Variants in ZC3H12D observed in about 807,000 individuals in gnomAD.
ZC3H12D encodes zinc finger CCCH-type containing 12D.
ZC3H12D carries 11 observed loss-of-function variants against 24.2 expected under a neutral mutation model. That is an observed-to-expected ratio of 0.46 (90% CI 0.29 to 0.75). The LOEUF (loss-of-function observed/expected upper bound fraction) is 0.75, where lower values mean the gene tolerates loss of function less well. ZC3H12D is among the 30% of genes least tolerant of loss of function. The pLI, the probability that ZC3H12D is intolerant of heterozygous loss-of-function variation, is 0.11. For missense variants in ZC3H12D, 740 were observed against 767.7 expected, an observed-to-expected ratio of 0.96 and a Z score of 0.43; for synonymous variants, 333 against 341.8, an observed-to-expected ratio of 0.97 and a Z score of 0.28.
rs983954274 is a variant in ZC3H12D at position 149,446,899 on chromosome 6, C to G, written c.*3784G>C. The G allele has an allele frequency of 6.6e-6, 1 of 152,324 alleles. No individual in the cohort carries two copies. The highest frequency in any genetic ancestry group is 2.4e-5 in the African/African-American group (1 of 41,458). The allele number at this position is 152,324 out of a possible 1,614,324, so 9.4% of individuals were successfully genotyped here. The stretch of plus-strand genomic sequence containing the variant: ...ACATTCTACAGTTCTACCCCAAACC[C>G]CCTTCCAGAGGCCTCTGGGAAGGCT... On this transcript the variant is annotated 3_prime_UTR_variant, in exon 6 of 6. Transcript: ENST00000409806.
intron 2 of ZC3H12D, among the ~76,000 whole-genome samples, chr6:149,466,925 AT>A (rs1776173532): frequency 8.3e-6 from 1 of 121,046 alleles, no homozygotes; most frequent in Non-Finnish European, 1.8e-5. Context: ...ATAAAATAAA[AT>A]AAAATAAAAA....
At chr6:149,467,960 A>G (rs879400372) in intron 2 of ZC3H12D, among the ~76,000 whole-genome samples, 1 of 152,150 alleles carries the variant, frequency 6.6e-6, no homozygotes, top group Non-Finnish European at 1.5e-5. Flanking sequence ...AAAAGGAGAC[A>G]GGAGCTGGGA....
At chr6:149,465,776 A>G (rs1235297782) in intron 2 of ZC3H12D, among the ~76,000 whole-genome samples, 35 of 140,888 alleles carry the variant, frequency 2.5e-4, no homozygotes, top group African/African-American at 4.6e-4. Context: ...AGGGGGGGGG[A>G]AGAGGAAGCA....
In ZC3H12D at chr6:149,456,620, C is replaced by CCCGCCCCG; in HGVS notation, c.680+38_680+45dup. 7.8e-7 allele frequency: 1 copy of CCCGCCCCG among 1,274,384 alleles called. No individual in the cohort carries two copies. The highest frequency in any genetic ancestry group is 1.2e-5 in the South Asian group (1 of 82,664). The allele number at this position is 1,274,384 out of a possible 1,614,324, so 78.9% of individuals were successfully genotyped here. ...GTGGCCACTGCCTCGACCCCGGCCCCCCGCCCCGCCGCCCCCCAGGGTGTC... is the reference window on the plus strand; with the variant it reads ...GTGGCCACTGCCTCGACCCCGGCCCCCCGCCCCGCCGCCCCGCCGCCCCCCAGGGTGTC... On this transcript the variant is annotated intron_variant, in intron 4 of 5. Coordinates refer to ENST00000409806, the MANE Select transcript of ZC3H12D (RefSeq NM_207360.3). The surrounding 1 kb of genome is among the most constrained non-coding windows in gnomAD (Gnocchi z 4.3).
intron 1 of ZC3H12D, among the ~76,000 whole-genome samples, chr6:149,480,352 G>A (rs1299934839): frequency 6.6e-6 from 1 of 152,262 alleles, no homozygotes; most frequent in Admixed American, 6.5e-5. Flanking sequence ...AGCAGATGGA[G>A]CTGGAGGCCA....
At chr6:149,459,155 AC>A (rs1776033688) in intron 3 of ZC3H12D, among the ~76,000 whole-genome samples, 1 of 129,350 alleles carries the variant, frequency 7.7e-6, no homozygotes, top group Non-Finnish European at 1.7e-5. Flanking sequence ...ATAAGTTTGC[AC>A]TTGTTGTGGC....
At position 149,451,345 on chromosome 6, in the gene ZC3H12D, GCCGC is replaced by G; in HGVS notation, c.918_921del (p.Gln306HisfsTer191). On this transcript the variant is annotated frameshift_variant, in exon 6 of 6. Coordinates refer to ENST00000409806, the MANE Select transcript of ZC3H12D (RefSeq NM_207360.3). LOFTEE classifies it low-confidence loss of function (END_TRUNC). ...GCGGAGCCGCCCGGGGCTCTCGGTG[GCCGC>G]TGCTCCTCGGCGCCCGCGCCAGGCC... 5 of 1,461,118 alleles carry G rather than the reference GCCGC, an allele frequency of 3.4e-6. No individual in the cohort carries two copies. Among genetic ancestry groups the G allele is most frequent in the Admixed American group, 2.6e-5 (1 of 37,764 alleles). The allele number at this position is 1,461,118 out of a possible 1,614,324, so 90.5% of individuals were successfully genotyped here.
In ZC3H12D at chr6:149,450,638, C is replaced by T; in HGVS notation, c.*45G>A. 1.4e-6 allele frequency: 2 copies of T among 1,462,302 alleles called. No individual in the cohort carries two copies. Among genetic ancestry groups the T allele is most frequent in the South Asian group, 1.4e-5 (1 of 73,472 alleles). The allele number at this position is 1,462,302 out of a possible 1,614,324, so 90.6% of individuals were successfully genotyped here. A position where few individuals can be genotyped will look rare whatever the true frequency, so the allele number is the denominator to read the frequency against. The stretch of plus-strand genomic sequence containing the variant: ...CAACCACAGGTCCACCCGTCCAAGA[C>T]GCAAGGCGAGGCTGGGCCATTCCCT... On this transcript the variant is annotated 3_prime_UTR_variant, in exon 6 of 6. Transcript: ENST00000409806.
chr6:149,454,067 C>G (rs1775941815), intron 4 of ZC3H12D, among the ~76,000 whole-genome samples: 1 of 152,176 alleles, frequency 6.6e-6, no homozygotes, highest in African/African-American at 2.4e-5. Context: ...GCTGCCTGCA[C>G]ATACAGCCAC....
chr6:149,454,640 C>A (rs931415705), intron 4 of ZC3H12D, among the ~76,000 whole-genome samples: 19 of 152,262 alleles, frequency 1.2e-4, no homozygotes, highest in African/African-American at 4.3e-4. Flanking sequence ...CAGGCGCCCT[C>A]GCTCACAAGC....
rs778798567 is a variant in ZC3H12D at position 149,452,656 on chromosome 6, C to T, written c.747G>A (p.Lys249=). 2.4e-5 allele frequency: 39 copies of T among 1,606,438 alleles called. 1 individual carries two copies. The South Asian group carries it at 4.1e-4, about 17-fold the overall frequency. The change falls in exon 5 of 6, where the codon AAG becomes AAA. Residue 249 remains lysine, a synonymous_variant. Transcript: ENST00000409806. This position sits in a 1 kb window ranked among gnomAD's most constrained non-coding sequence, Gnocchi z 4.0. ...GCCAGGATGGCTCTGGGGGCTTCGGCTTCCTGCTCAGGAAGTTGCTCAGGG... is the reference window on the plus strand; with the variant it reads ...GCCAGGATGGCTCTGGGGGCTTCGGTTTCCTGCTCAGGAAGTTGCTCAGGG... ...GPSLSNFLSR[K]PKPPEPSWQH...
intron 4 of ZC3H12D, among the ~76,000 whole-genome samples, chr6:149,454,253 C>T (rs989587344): frequency 1.3e-5 from 2 of 152,222 alleles, no homozygotes; most frequent in Non-Finnish European, 1.5e-5. Flanking sequence ...AGAAGGAAAA[C>T]GCCCCTCGCT....
chr6:149,473,387 G>A (rs145220307), intron 2 of ZC3H12D, among the ~76,000 whole-genome samples: 31 of 152,292 alleles, frequency 2.0e-4, no homozygotes, highest in African/African-American at 6.7e-4. Context: ...TTTACAGCTG[G>A]GAGTGAACCA....
intron 2 of ZC3H12D, among the ~76,000 whole-genome samples, chr6:149,468,556 G>A (rs567506703): frequency 6.6e-6 from 1 of 152,346 alleles, no homozygotes; most frequent in African/African-American, 2.4e-5. Flanking sequence ...AGGGGTCTGA[G>A]ATGTGAAGGG....
At chr6:149,458,124 G>GTTTTTTTTTTTTTT (rs1562472740) in intron 3 of ZC3H12D, among the ~76,000 whole-genome samples, 1 of 37,602 alleles carries the variant, frequency 2.7e-5, no homozygotes, top group Non-Finnish European at 4.7e-5. Flanking sequence ...TTTTTTTTTC[G>GTTTTTTTTTTTTTT]TTTCTTTTTT....
intron 2 of ZC3H12D, among the ~76,000 whole-genome samples, chr6:149,472,884 GC>G (rs1562476882): frequency 6.6e-6 from 1 of 152,084 alleles, no homozygotes; most frequent in Non-Finnish European, 1.5e-5. Context: ...TAGAGGCCAG[GC>G]CCCTCTCACA....
intron 2 of ZC3H12D, among the ~76,000 whole-genome samples, chr6:149,465,926 G>A (rs1054469269): frequency 7.3e-5 from 11 of 151,348 alleles, no homozygotes; most frequent in Non-Finnish European, 1.5e-4. Context: ...CATCAAGACT[G>A]TGAACAAGAG....
At chr6:149,470,460 G>A (rs372117409) in intron 2 of ZC3H12D, among the ~76,000 whole-genome samples, 471 of 152,160 alleles carry the variant, frequency 3.1e-3, no homozygotes, top group African/African-American at 0.011. Flanking sequence ...AACTGAACCC[G>A]GGAAGTGGAG....
At position 149,450,601 on chromosome 6, in the gene ZC3H12D, G is replaced by T; in HGVS notation, c.*82C>A. On this transcript the variant is annotated 3_prime_UTR_variant, in exon 6 of 6. Transcript: ENST00000409806. Reference sequence around the variant, plus strand: ...GGGGGCACCATGATGGGCCCACTCAGGTCCAGGCTGGCAACCACAGGTCCA... The same window carrying T: ...GGGGGCACCATGATGGGCCCACTCATGTCCAGGCTGGCAACCACAGGTCCA... 1 of 1,354,236 alleles carries T rather than the reference G, an allele frequency of 7.4e-7. No homozygotes were observed. The highest frequency in any genetic ancestry group is 9.8e-7 in the Non-Finnish European group (1 of 1,022,892). 83.9% of individuals were successfully genotyped at this position (1,354,236 alleles called of 1,614,324 possible).
Sources: gnomAD v4.1 joint callset for allele counts (sites outside exome capture counted in the v4.1 genomes callset) on GRCh38, gnomAD v4.1.1 for gene constraint, Gnocchi (gnomAD v3.1) non-coding constraint, MANE v1.5 for transcripts, NCBI Gene and HGNC (gene_info 2026-07-23, HGNC 2026-07-21) for gene names.